Variants in ST8SIA4 observed in about 807,000 individuals in gnomAD.
The protein encoded by ST8SIA4 is CMP-N-acetylneuraminate-poly-alpha-2,8-sialyltransferase.
Under a neutral mutation model 33.9 loss-of-function variants are expected in ST8SIA4, and 15 were observed. The ratio of observed to expected loss-of-function variants is 0.44; its 90% CI spans 0.30 to 0.68. The LOEUF (loss-of-function observed/expected upper bound fraction) is 0.68. Ranked by LOEUF, ST8SIA4 falls within the 30% of genes least tolerant of loss-of-function variation. The pLI, the probability that ST8SIA4 is intolerant of heterozygous loss-of-function variation, is 0.10. For synonymous variants in ST8SIA4, 171 were observed against 151.2 expected, an observed-to-expected ratio of 1.13 and a Z score of -0.96; for missense variants, 321 against 428.0, an observed-to-expected ratio of 0.75 and a Z score of 2.21.
intron 3 of ST8SIA4, among the ~76,000 whole-genome samples, chr5:100,880,268 G>A (rs1752388171): frequency 6.6e-6 from 1 of 152,112 alleles, no homozygotes; most frequent in Non-Finnish European, 1.5e-5. Context: ...TAGTTGTAAA[G>A]ATAAACAATA....
intron 2 of ST8SIA4, among the ~76,000 whole-genome samples, chr5:100,894,546 T>C (rs1752738560): frequency 6.6e-6 from 1 of 152,090 alleles, no homozygotes; most frequent in African/African-American, 2.4e-5. Context: ...TAAACCAAAG[T>C]AGTAATACTA....
At chr5:100,830,931 A>T (rs991941608) in intron 4 of ST8SIA4, among the ~76,000 whole-genome samples, 16 of 152,180 alleles carry the variant, frequency 1.1e-4, no homozygotes, top group African/African-American at 3.9e-4. Flanking sequence ...ATGTTTTATT[A>T]TGTTTACTTA....
rs575472361 is a variant in ST8SIA4 at position 100,823,159 on chromosome 5, AC to A, written c.798-11031del. ...AACAAACAAACAAACAAACAAACAAACAAAAAAACCCCACCAAAACCAAGAC... is the reference window on the plus strand; with the variant it reads ...AACAAACAAACAAACAAACAAACAAAAAAAAAACCCCACCAAAACCAAGAC... On this transcript the variant is annotated intron_variant, in intron 4 of 4. Transcript: ENST00000231461. Among the ~76,000 whole-genome samples, 704 of 149,984 alleles carry A rather than the reference AC, an allele frequency of 4.7e-3. 3 individuals are homozygous for A. The highest frequency in any genetic ancestry group is 0.016 in the African/African-American group (634 of 40,734).
intron 4 of ST8SIA4, among the ~76,000 whole-genome samples, chr5:100,853,524 T>C (rs557470928): frequency 6.6e-6 from 1 of 152,180 alleles, no homozygotes; most frequent in Admixed American, 6.5e-5. Context: ...TAATTCATAG[T>C]AACCAAAAAA....
At chr5:100,881,111 G>A (rs1752413754) in intron 3 of ST8SIA4, among the ~76,000 whole-genome samples, 1 of 152,140 alleles carries the variant, frequency 6.6e-6, no homozygotes, top group Admixed American at 6.5e-5. Context: ...CACCAACAGT[G>A]GGAGGTAGAC....
chr5:100,892,171 C>A (rs1040587327), intron 2 of ST8SIA4, among the ~76,000 whole-genome samples: 2 of 151,740 alleles, frequency 1.3e-5, no homozygotes, highest in Non-Finnish European at 2.9e-5. Flanking sequence ...ATGTAAAAAA[C>A]AATAACAAAA....
chr5:100,893,813 G>A (rs1349760886), intron 2 of ST8SIA4, among the ~76,000 whole-genome samples: 2 of 151,966 alleles, frequency 1.3e-5, no homozygotes, highest in African/African-American at 2.4e-5. Flanking sequence ...CTTCCATCAG[G>A]TTTCTTTACC....
At chr5:100,838,524 C>T (rs760661887) in intron 4 of ST8SIA4, among the ~76,000 whole-genome samples, 1 of 151,786 alleles carries the variant, frequency 6.6e-6, no homozygotes, top group Non-Finnish European at 1.5e-5. Context: ...AACCAAAATA[C>T]ATCTTGGCCA....
chr5:100,832,193 TTTAA>T (rs1441863601), intron 4 of ST8SIA4, among the ~76,000 whole-genome samples: 6 of 152,074 alleles, frequency 3.9e-5, no homozygotes, highest in African/African-American at 9.7e-5. Context: ...TTAGGTTTTA[TTTAA>T]TTAATTATTT....
At chr5:100,848,965 T>C (rs1751627547) in intron 4 of ST8SIA4, 1 of 210,230 alleles carries the variant, frequency 4.8e-6, no homozygotes. Flanking sequence ...TCTTCTGCTG[T>C]CAAGTAAACA....
At position 100,887,923 on chromosome 5, in the gene ST8SIA4, C is replaced by T. The variant is rs560345131; in HGVS notation, c.246-1323G>A. 2.2e-4 allele frequency among the ~76,000 whole-genome samples: 33 copies of T among 152,044 alleles called. 1 individual carries two copies. The highest frequency in any genetic ancestry group is 6.8e-3 in the Middle Eastern group (2 of 294). ...TGTGTGAGAGTCTATTGATTGGGAC[C>T]TTTTAAATGTTCCTGTAACCCCAAT... On this transcript the variant is annotated intron_variant, in intron 2 of 4. Coordinates refer to ENST00000231461, the MANE Select transcript of ST8SIA4 (RefSeq NM_005668.6).
intron 3 of ST8SIA4, among the ~76,000 whole-genome samples, chr5:100,880,218 A>T (rs984313085): frequency 1.3e-5 from 2 of 152,174 alleles, no homozygotes; most frequent in Non-Finnish European, 2.9e-5. Flanking sequence ...TCTGAGATTA[A>T]AAAAGGGATA....
At chr5:100,894,718 CTTA>C (rs1453843265) in intron 2 of ST8SIA4, among the ~76,000 whole-genome samples, 2 of 151,992 alleles carry the variant, frequency 1.3e-5, no homozygotes, top group Non-Finnish European at 2.9e-5. Context: ...CTTCAAATTT[CTTA>C]TAATCTACAT....
intron 3 of ST8SIA4, among the ~76,000 whole-genome samples, chr5:100,860,243 C>CT (rs1381655369): frequency 6.6e-6 from 1 of 152,090 alleles, no homozygotes; most frequent in African/African-American, 2.4e-5. Context: ...AATTATCATC[C>CT]TTTTTCTTTT....
intron 4 of ST8SIA4, chr5:100,849,530 C>G (rs150852494): frequency 3.3e-6 from 3 of 897,168 alleles, no homozygotes; most frequent in East Asian, 1.2e-4. Context: ...GCCTGTAATC[C>G]CCGCACTTTG....
At chr5:100,884,169 G>A (rs1208529308) in intron 3 of ST8SIA4, among the ~76,000 whole-genome samples, 1 of 152,136 alleles carries the variant, frequency 6.6e-6, no homozygotes, top group Non-Finnish European at 1.5e-5. Flanking sequence ...TTAATATACG[G>A]CAGATTATAG....
intron 4 of ST8SIA4, among the ~76,000 whole-genome samples, chr5:100,823,584 A>T (rs1019225529): frequency 3.9e-5 from 6 of 152,232 alleles, no homozygotes; most frequent in African/African-American, 1.4e-4. Context: ...TTTAACTCTT[A>T]TCTTTGTTTA....
chr5:100,861,263 A>G (rs1342185114), intron 3 of ST8SIA4, among the ~76,000 whole-genome samples: 1 of 152,126 alleles, frequency 6.6e-6, no homozygotes, highest in East Asian at 1.9e-4. Context: ...AGAAATACAA[A>G]CAACACACAT....
intron 2 of ST8SIA4, among the ~76,000 whole-genome samples, chr5:100,892,761 C>T (rs937841478): frequency 2.6e-5 from 4 of 152,080 alleles, no homozygotes; most frequent in Non-Finnish European, 5.9e-5. Context: ...TCTTAATGTT[C>T]TCAATCACAA....
Sources: allele counts gnomAD v4.1 joint callset (sites outside exome capture counted in the v4.1 genomes callset), GRCh38; gene constraint gnomAD v4.1.1; transcripts MANE v1.5; gene names NCBI Gene and HGNC (gene_info 2026-07-23, HGNC 2026-07-21).